Variants in TMEM182 observed in about 807,000 individuals in gnomAD.
TMEM182 encodes the protein transmembrane protein 182.
In TMEM182, 20 loss-of-function variants were observed where a neutral mutation model predicts 26.8. That is an observed-to-expected ratio of 0.75 (90% CI 0.53 to 1.09). TMEM182 has a LOEUF of 1.09. Among genes scored for constraint, TMEM182 ranks in the 50% least tolerant of loss-of-function variants. The probability of loss-of-function intolerance (pLI) is 0.00; values close to 1 mark genes in which losing one functional copy is unlikely to be tolerated. For missense variants in TMEM182, 277 were observed against 275.5 expected (o/e 1.01, Z -0.04); for synonymous variants, 109 against 102.2 (o/e 1.07, Z -0.40).
chr2:102,814,601 A>G, intron 4 of TMEM182, 147 bp from the exon 5 acceptor site: 1 of 668,106 alleles, frequency 1.5e-6, no homozygotes, highest in Non-Finnish European at 2.5e-6. Flanking sequence ...TCTATAAAGT[A>G]CATAATAAAA....
chr2:102,843,299 C>T (rs1488416672), intron 3 of TMEM182: 2 of 152,222 alleles, frequency 1.3e-5, no homozygotes, highest in Admixed American at 6.5e-5. Flanking sequence ...GGGATTTCAT[C>T]TGCTCATGAC....
At chr2:102,810,227 G>C (rs897337506) in intron 4 of TMEM182, among the ~76,000 whole-genome samples, 1 of 151,842 alleles carries the variant, frequency 6.6e-6, no homozygotes. Context: ...TTCATTTCTC[G>C]GGCTAAATTT....
chr2:102,797,951 C>T lies in TMEM182; in HGVS notation c.420C>T (p.Phe140=), dbSNP rs140175654. 565 of 1,614,114 alleles carry T rather than the reference C, an allele frequency of 3.5e-4. No homozygotes were observed. Among genetic ancestry groups the T allele is most frequent in the Non-Finnish European group, 4.5e-4 (530 of 1,180,020 alleles). The part of the protein sequence containing the change: ...ASFLIICAAP[F]ASHFLYKAGG... ...TTTTGATCATCTGTGCAGCCCCCTT[C>T]GCCAGCCATTTTCTCTACAAAGCTG... The change falls in exon 4 of 5, where the codon TTC becomes TTT. Residue 140 remains phenylalanine, a synonymous_variant. Coordinates refer to ENST00000412401, the MANE Select transcript of TMEM182 (RefSeq NM_144632.5).
At chr2:102,803,325 G>A (rs1339299149) in intron 4 of TMEM182, among the ~76,000 whole-genome samples, 1 of 152,224 alleles carries the variant, frequency 6.6e-6, no homozygotes, top group African/African-American at 2.4e-5. Flanking sequence ...AATGCCTGAA[G>A]CACAGCCGTC....
intron 3 of TMEM182, among the ~76,000 whole-genome samples, chr2:102,765,433 G>C (rs1217525085): frequency 6.6e-6 from 1 of 152,096 alleles, no homozygotes; most frequent in Non-Finnish European, 1.5e-5. Flanking sequence ...ATGGGGTAGG[G>C]GGTAATCTGC....
intron 1 of TMEM182, among the ~76,000 whole-genome samples, chr2:102,756,183 A>G (rs1680026044): frequency 6.6e-6 from 1 of 152,232 alleles, no homozygotes; most frequent in Non-Finnish European, 1.5e-5. Context: ...GTTTGGTGAA[A>G]TAGATTTAAA....
In TMEM182 at chr2:102,815,348, A is replaced by G; in HGVS notation, c.*380A>G. 3.0e-6 allele frequency: 3 copies of G among 996,724 alleles called. No homozygotes were observed. In the South Asian group the frequency reaches 1.4e-4, roughly 45 times the overall value. 61.7% of individuals were successfully genotyped at this position (996,724 alleles called of 1,614,324 possible). ...CATTCACTTCTGCTAATTAAAAAAA[A>G]TCCTTGAAGAATAATTAAGAATGGG... On this transcript the variant is annotated 3_prime_UTR_variant, in exon 5 of 5. Transcript: ENST00000412401.
intron 3 of TMEM182, chr2:102,834,549 G>A (rs982311053): frequency 1.0e-5 from 5 of 491,352 alleles, no homozygotes; most frequent in Non-Finnish European, 1.3e-5. Flanking sequence ...ATATCCATGA[G>A]AGTGTTATTG....
chr2:102,798,932 C>A (rs1681995655), intron 4 of TMEM182, among the ~76,000 whole-genome samples: 1 of 152,034 alleles, frequency 6.6e-6, no homozygotes, highest in African/African-American at 2.4e-5. Context: ...AGTTAGGTTT[C>A]TAACTAATTT....
chr2:102,741,752 T>C (rs1377043660), intron 1 of TMEM182, among the ~76,000 whole-genome samples: 1 of 152,088 alleles, frequency 6.6e-6, no homozygotes, highest in Non-Finnish European at 1.5e-5. Flanking sequence ...TGAATTACAA[T>C]TGAGATGCAA....
rs1417256110 is a variant in TMEM182 at position 102,816,953 on chromosome 2, C to CATATATTTTTTATATGACAATTGGCTGA, written c.*1989_*2016dup. The CATATATTTTTTATATGACAATTGGCTGA allele has an allele frequency of 2.4e-5, 24 of 985,646 alleles. No homozygotes were observed. The African/African-American group carries it at 4.2e-4, about 17-fold the overall frequency. 61.1% of individuals were successfully genotyped at this position (985,646 alleles called of 1,614,324 possible). A position where few individuals can be genotyped will look rare whatever the true frequency, so the allele number is the denominator to read the frequency against. The stretch of plus-strand genomic sequence containing the variant: ...CTTTATAGTACACTTAAGTGGCTAC[C>CATATATTTTTTATATGACAATTGGCTGA]ATATATTTTTTATATGACAATTGGC... On this transcript the variant is annotated 3_prime_UTR_variant, in exon 5 of 5. Transcript: ENST00000412401.
chr2:102,802,076 C>T (rs1485852145), intron 4 of TMEM182, among the ~76,000 whole-genome samples: 4 of 152,102 alleles, frequency 2.6e-5, no homozygotes, highest in Non-Finnish European at 2.9e-5. Context: ...CAGGTGCAGC[C>T]TGGGCTCAGG....
upstream of TMEM182, among the ~76,000 whole-genome samples, chr2:102,759,040 A>G (rs1680130197): frequency 6.6e-6 from 1 of 152,180 alleles, no homozygotes; most frequent in Non-Finnish European, 1.5e-5. Flanking sequence ...AGAAAATGTT[A>G]TTCATTGATG....
chr2:102,741,935 C>T (rs376398140), intron 1 of TMEM182, among the ~76,000 whole-genome samples: 1 of 152,182 alleles, frequency 6.6e-6, no homozygotes, highest in South Asian at 2.1e-4. Context: ...AGCCTGGTTA[C>T]CTGAGATCCT....
intron 4 of TMEM182, among the ~76,000 whole-genome samples, chr2:102,803,137 A>G: frequency 6.6e-6 from 1 of 152,166 alleles, no homozygotes; most frequent in East Asian, 1.9e-4. Flanking sequence ...AGTCCCTTGA[A>G]ACACCACAGA....
intron 3 of TMEM182, among the ~76,000 whole-genome samples, chr2:102,788,517 T>C (rs1244812451): frequency 9.6e-6 from 1 of 103,840 alleles, no homozygotes; most frequent in African/African-American, 4.4e-5. Context: ...AAAGTTGCAT[T>C]GGACTATTAT....
chr2:102,746,601 T>TA, intron 1 of TMEM182, among the ~76,000 whole-genome samples: 1 of 151,960 alleles, frequency 6.6e-6, no homozygotes, highest in East Asian at 1.9e-4. Flanking sequence ...TTACTTATTT[T>TA]TTTTTTCTCC....
At chr2:102,803,356 C>G (rs1288069882) in intron 4 of TMEM182, among the ~76,000 whole-genome samples, 1 of 152,208 alleles carries the variant, frequency 6.6e-6, no homozygotes, top group East Asian at 1.9e-4. Context: ...CCGTCCTTCC[C>G]TGCTCTGGAG....
intron 4 of TMEM182, among the ~76,000 whole-genome samples, chr2:102,809,926 A>G (rs1682488538): frequency 6.6e-6 from 1 of 152,192 alleles, no homozygotes; most frequent in African/African-American, 2.4e-5. Flanking sequence ...CCCATGGAAA[A>G]CTGAAATGAG....
Sources: allele counts gnomAD v4.1 joint callset (sites outside exome capture counted in the v4.1 genomes callset), GRCh38; gene constraint gnomAD v4.1.1; transcripts MANE v1.5; gene names NCBI Gene and HGNC (gene_info 2026-07-23, HGNC 2026-07-21).